KCNG4: variants seen among roughly 807,000 people sequenced by gnomAD.
KCNG4 encodes the protein voltage-gated potassium channel regulatory subunit KCNG4.
A neutral mutation model predicts 28.2 loss-of-function variants in KCNG4; 30 were observed. The ratio of observed to expected loss-of-function variants is 1.06; its 90% confidence interval spans 0.80 to 1.44. The LOEUF (loss-of-function observed/expected upper bound fraction) is 1.44. Ranked by LOEUF, KCNG4 falls within the 40% of genes most tolerant of loss-of-function variation. The pLI, the probability that KCNG4 is intolerant of heterozygous loss-of-function variation, is 0.00. For missense variants in KCNG4, 879 were observed against 712.3 expected (o/e 1.23, Z -2.66); for synonymous variants, 375 against 315.5 (o/e 1.19, Z -2.00).
In KCNG4 at chr16:84,219,656, G is replaced by C. The variant is rs1904509706; in HGVS notation, c.*2561C>G. ...GCAGGAGAATGGCGTGAACCTGGGA[G>C]GCGGAGCTTGCAGTGAGCCGAGATT... On this transcript the variant is annotated 3_prime_UTR_variant, in exon 3 of 3. Transcript: ENST00000308251. 1.3e-5 allele frequency: 2 copies of C among 151,530 alleles called. No individual in the cohort carries two copies. The highest frequency in any genetic ancestry group is 4.2e-4 in the South Asian group (2 of 4,780). 9.4% of individuals were successfully genotyped at this position (151,530 alleles called of 1,614,324 possible).
At chr16:84,236,513 G>A (rs1471675314) in intron 2 of KCNG4, 4 of 635,202 alleles carry the variant, frequency 6.3e-6, no homozygotes, top group Admixed American at 6.6e-5. Flanking sequence ...GTGAGCCTTA[G>A]GCACTTTTGC....
chr16:84,222,970 G>C lies in KCNG4; in HGVS notation c.807C>G (p.Cys269Trp). The C allele has an allele frequency of 6.4e-7, 1 of 1,557,110 alleles. No individual in the cohort carries two copies. Among genetic ancestry groups the C allele is most frequent in the Non-Finnish European group, 8.7e-7 (1 of 1,151,106 alleles). Residue 269 changes from cysteine to tryptophan, a missense_variant, in exon 3 of 3, where the codon TGC (cysteine) becomes TGG (tryptophan). Transcript: ENST00000308251. ...CYYIFIVETI[C>W]VAWFSLEFCL... ...AGAACTCCAGGGAGAACCAGGCCAC[G>C]CAGATGGTCTCCACGATGAAAATAT...
At chr16:84,235,138 T>C (rs1307879655) in intron 2 of KCNG4, among the ~76,000 whole-genome samples, 4 of 152,192 alleles carry the variant, frequency 2.6e-5, no homozygotes, top group Non-Finnish European at 5.9e-5. Context: ...CCTGAGTCAC[T>C]GTTAAGCCAG....
intron 2 of KCNG4, among the ~76,000 whole-genome samples, chr16:84,234,395 T>C (rs571677440): frequency 5.2e-4 from 79 of 152,130 alleles, no homozygotes; most frequent in African/African-American, 1.9e-3. Flanking sequence ...GCCAGGCTGA[T>C]CTCAAACTCC....
chr16:84,237,003 G>C lies in KCNG4; in HGVS notation c.483C>G (p.Cys161Trp), dbSNP rs1904977085. Residue 161 changes from cysteine to tryptophan, a missense_variant, in exon 2 of 3, where the codon TGC (cysteine) becomes TGG (tryptophan). Transcript: ENST00000308251. ...GIEEAHLERC[C>W]LRKLLRKLEE... The stretch of plus-strand genomic sequence containing the variant: ...CCAGCTTCCTCAGCAGCTTCCGCAG[G>C]CAGCACCTCTCCAGGTGGGCCTCCT... 6.2e-7 allele frequency: 1 copy of C among 1,613,632 alleles called. No homozygotes were observed. Among genetic ancestry groups the C allele is most frequent in the African/African-American group, 1.3e-5 (1 of 74,854 alleles).
chr16:84,231,022 T>C lies in KCNG4; in HGVS notation c.756+5708A>G, dbSNP rs1003086941. Among the ~76,000 whole-genome samples the C allele has an allele frequency of 2.6e-5, 4 of 152,310 alleles. No homozygotes were observed. In the South Asian group the frequency reaches 8.3e-4, roughly 32 times the overall value. On this transcript the variant is annotated intron_variant, in intron 2 of 2. Coordinates refer to ENST00000308251, the MANE Select transcript of KCNG4 (RefSeq NM_172347.3). ...ACATTTGAGCCACCGGCCCCTGACT[T>C]GGCCATTGCTATTAGGTTGGAGGGA...
intron 2 of KCNG4, among the ~76,000 whole-genome samples, chr16:84,229,604 A>T (rs190184516): frequency 6.6e-6 from 1 of 152,376 alleles, no homozygotes; most frequent in Admixed American, 6.5e-5. Flanking sequence ...GGACTCTCCC[A>T]GTGTCCAGCA....
chr16:84,225,257 G>T (rs1206565217), intron 2 of KCNG4, among the ~76,000 whole-genome samples: 3 of 151,766 alleles, frequency 2.0e-5, no homozygotes, highest in African/African-American at 4.8e-5. Context: ...GGATCCTGAA[G>T]GGCTCAGAAG....
At position 84,236,762 on chromosome 16, in the gene KCNG4, T is replaced by G. The variant is rs747301349; in HGVS notation, c.724A>C (p.Thr242Pro). The change falls in exon 2 of 3, where the codon ACC (threonine) becomes CCC (proline). Residue 242 changes from threonine to proline, a missense_variant. Thr to Pro is a conservative substitution (Grantham distance 38). Transcript: ENST00000308251. Reference sequence around the variant, plus strand: ...TCCTCTGCCCTGAGGTCGGGCATGGTGCTGACACACAGGCTGACGGCTGTG... The same window carrying G: ...TCCTCTGCCCTGAGGTCGGGCATGGGGCTGACACACAGGCTGACGGCTGTG... Reference protein sequence around the residue: ...ATTAVSLCVSTMPDLRAEEDQ... With the variant: ...ATTAVSLCVSPMPDLRAEEDQ... The G allele has an allele frequency of 1.2e-6, 2 of 1,613,604 alleles. No individual in the cohort carries two copies. The highest frequency in any genetic ancestry group is 1.7e-6 in the Non-Finnish European group (2 of 1,179,958).
At chr16:84,224,138 C>T (rs567232153) in intron 2 of KCNG4, among the ~76,000 whole-genome samples, 1 of 152,214 alleles carries the variant, frequency 6.6e-6, no homozygotes. Context: ...CCCCATCCCA[C>T]GGAATCATAT....
chr16:84,234,653 C>G (rs1327121208), intron 2 of KCNG4, among the ~76,000 whole-genome samples: 1 of 152,148 alleles, frequency 6.6e-6, no homozygotes, highest in Non-Finnish European at 1.5e-5. Context: ...ATCTGTTCCC[C>G]CACCCATCGT....
In KCNG4 at chr16:84,222,202, A is replaced by G. The variant is rs755045509; in HGVS notation, c.*15T>C. On this transcript the variant is annotated 3_prime_UTR_variant, in exon 3 of 3. Transcript: ENST00000308251. ...GATGGGTTGAGGTTACCATGTAGTC[A>G]TGGGGGGTGCTGAGTTACATGTGCA... 2 of 1,612,730 alleles carry G rather than the reference A, an allele frequency of 1.2e-6. No individual in the cohort carries two copies. Among genetic ancestry groups the G allele is most frequent in the Non-Finnish European group, 8.5e-7 (1 of 1,179,240 alleles).
At chr16:84,224,403 T>TACACAC (rs58296563) in intron 2 of KCNG4, among the ~76,000 whole-genome samples, 1,384 of 58,624 alleles carry the variant, frequency 0.024, 18 homozygotes, top group South Asian at 0.052. Flanking sequence ...TATACATATT[T>TACACAC]ACACACACAC....
rs773105332 is a variant in KCNG4, at chr16:84,222,358, G to A, written c.1419C>T (p.Ala473=). The A allele has an allele frequency of 1.9e-6, 3 of 1,614,132 alleles. No homozygotes were observed. Among genetic ancestry groups the A allele is most frequent in the Non-Finnish European group, 2.5e-6 (3 of 1,179,998 alleles). The change falls in exon 3 of 3, where the codon GCC becomes GCT. Residue 473 remains alanine (A), a synonymous_variant. Coordinates refer to ENST00000308251, the MANE Select transcript of KCNG4 (RefSeq NM_172347.3). ...ELKKEQEQLQ[A]RLRHLQNTGP... ...CGGTGTTTTGGAGGTGGCGGAGGCG[G>A]GCCTGAAGCTGCTCCTGCTCCTTCT...
At chr16:84,238,490 T>C (rs150791793) in intron 1 of KCNG4, among the ~76,000 whole-genome samples, 83 of 152,336 alleles carry the variant, frequency 5.4e-4, no homozygotes, top group African/African-American at 1.8e-3. Context: ...TACTCCTCCA[T>C]GTTCGTTGCG....
At chr16:84,233,266 G>A (rs1462235708) in intron 2 of KCNG4, among the ~76,000 whole-genome samples, 3 of 152,174 alleles carry the variant, frequency 2.0e-5, no homozygotes, top group Admixed American at 6.5e-5. Flanking sequence ...GTTAGTCATG[G>A]GTGAGGCCAA....
rs1285074707 is a variant in KCNG4 at position 84,222,823 on chromosome 16, C to CT, written c.953dup (p.Asp319GlyfsTer52). ...AGCTCCCGCTCGGCCTCTCGCCGTC[C>CT]TCCGGGGGCTCCTCAGACACCGCCA... is the stretch of plus-strand genomic sequence containing the variant. On this transcript the variant is annotated frameshift_variant, in exon 3 of 3. Transcript: ENST00000308251. LOFTEE classifies it high-confidence loss of function. 1 of 1,609,876 alleles carries CT rather than the reference C, an allele frequency of 6.2e-7. No individual in the cohort carries two copies. The highest frequency in any genetic ancestry group is 8.5e-7 in the Non-Finnish European group (1 of 1,176,912).
At position 84,222,270 on chromosome 16, in the gene KCNG4, C is replaced by T. The variant is rs145735728; in HGVS notation, c.1507G>A (p.Asp503Asn). 1.9e-5 allele frequency: 31 copies of T among 1,614,040 alleles called. No homozygotes were observed. The African/African-American group carries it at 2.9e-4, about 15-fold the overall frequency. ...HVASEHELMN[D>N]VNDLILEGPA... ...CCCTCCAGGATTAGGTCATTGACAT[C>T]GTTCATGAGCTCATGTTCACTGGCC... Residue 503 changes from aspartate to asparagine, a missense_variant, in exon 3 of 3, where the codon GAT becomes AAT. Coordinates refer to ENST00000308251, the MANE Select transcript of KCNG4 (RefSeq NM_172347.3).
chr16:84,236,555 T>C lies in KCNG4; in HGVS notation c.756+175A>G, dbSNP rs1904954118. On this transcript the variant is annotated intron_variant, in intron 2 of 2. Transcript: ENST00000308251. ...AGGACTCCAATAAAAAAAAAAAAGA[T>C]GGAAAATTATCTTTTATGACTGATG... The C allele has an allele frequency of 5.8e-6, 5 of 868,404 alleles. No individual in the cohort carries two copies. The East Asian group carries it at 1.4e-4, about 24-fold the overall frequency. The allele number at this position is 868,404 out of a possible 1,614,324, so 53.8% of individuals were successfully genotyped here.
Sources: allele counts gnomAD v4.1 joint callset (sites outside exome capture counted in the v4.1 genomes callset), GRCh38; gene constraint gnomAD v4.1.1; transcripts MANE v1.5; gene names NCBI Gene and HGNC (gene_info 2026-07-23, HGNC 2026-07-21).